Variants in KLF13 observed in about 807,000 individuals in gnomAD.
KLF13 encodes the protein KLF transcription factor 13.
Under a neutral mutation model 16.7 loss-of-function variants are expected in KLF13, and 8 were observed. That is an observed-to-expected ratio of 0.48 (90% CI 0.28 to 0.87). The LOEUF is 0.87. Ranked by LOEUF, KLF13 falls within the 40% of genes least tolerant of loss-of-function variation. The pLI, the probability that KLF13 is intolerant of heterozygous loss-of-function variation, is 0.10. For missense variants in KLF13, 447 were observed against 452.2 expected, an observed-to-expected ratio of 0.99 and a Z score of 0.10; for synonymous variants, 245 against 208.4, an observed-to-expected ratio of 1.18 and a Z score of -1.51.
At chr15:31,356,081 A>G (rs1367337792) in intron 1 of KLF13, among the ~76,000 whole-genome samples, 4 of 152,088 alleles carry the variant, frequency 2.6e-5, no homozygotes, top group African/African-American at 9.7e-5. Context: ...GGTTTGTTAC[A>G]TGGGTAAATT....
At chr15:31,360,991 C>T (rs1336601842) in intron 1 of KLF13, among the ~76,000 whole-genome samples, 1 of 152,202 alleles carries the variant, frequency 6.6e-6, no homozygotes, top group Non-Finnish European at 1.5e-5. Flanking sequence ...AGTGCGCTGC[C>T]TGGTAGCGCT....
At chr15:31,336,823 G>A (rs1198753303) in intron 1 of KLF13, among the ~76,000 whole-genome samples, 1 of 152,138 alleles carries the variant, frequency 6.6e-6, no homozygotes, top group African/African-American at 2.4e-5. Context: ...GCCACTGGCT[G>A]GGGTGCTGCT....
chr15:31,386,810 C>T (rs928502457), intron 1 of KLF13, among the ~76,000 whole-genome samples: 10 of 152,216 alleles, frequency 6.6e-5, no homozygotes, highest in African/African-American at 2.2e-4. Flanking sequence ...ATTTACCATT[C>T]GGAAAATCCT....
chr15:31,411,776 A>G (rs898005355), intron 1 of KLF13, among the ~76,000 whole-genome samples: 1 of 152,156 alleles, frequency 6.6e-6, no homozygotes, highest in Non-Finnish European at 1.5e-5. Context: ...AGTATTCACA[A>G]TCTATTTATG....
chr15:31,341,162 G>A (rs565100916), intron 1 of KLF13, among the ~76,000 whole-genome samples: 27 of 152,312 alleles, frequency 1.8e-4, no homozygotes, highest in African/African-American at 6.5e-4. Flanking sequence ...TTGTCTGTTG[G>A]TTCTTTGTTA....
chr15:31,377,836 T>G lies in KLF13; in HGVS notation c.*5537T>G, dbSNP rs980667306. On this transcript the variant is annotated 3_prime_UTR_variant, in exon 2 of 2. Coordinates refer to ENST00000307145, the MANE Select transcript of KLF13 (RefSeq NM_015995.4). ...TAACGAAATTGTAAATTTTATTGTT[T>G]TAACGTGTATGCATGTTTAGTGACG... The G allele has an allele frequency of 1.3e-5, 2 of 152,670 alleles. No individual in the cohort carries two copies. Among genetic ancestry groups the G allele is most frequent in the Non-Finnish European group, 2.9e-5 (2 of 68,048 alleles). 9.5% of individuals were successfully genotyped at this position (152,670 alleles called of 1,614,324 possible). A position where few individuals can be genotyped will look rare whatever the true frequency, so the allele number is the denominator to read the frequency against.
At chr15:31,416,312 A>G (rs1413574879) in intron 1 of KLF13, among the ~76,000 whole-genome samples, 5 of 152,166 alleles carry the variant, frequency 3.3e-5, no homozygotes, top group Non-Finnish European at 7.4e-5. Context: ...AGCCATTATT[A>G]TCCTTATACA....
chr15:31,329,280 A>T (rs567400258), intron 1 of KLF13, among the ~76,000 whole-genome samples: 654 of 59,006 alleles, frequency 0.011, 10 homozygotes, highest in African/African-American at 0.043. Context: ...GCCCTGGGGG[A>T]GGGGCCAGGC....
rs1303212154 is a variant in KLF13 at position 31,375,645 on chromosome 15, C to T, written c.*3346C>T. 1 of 152,136 alleles carries T rather than the reference C, an allele frequency of 6.6e-6. No individual in the cohort carries two copies. Among genetic ancestry groups the T allele is most frequent in the Non-Finnish European group, 1.5e-5 (1 of 68,010 alleles). 9.4% of individuals were successfully genotyped at this position (152,136 alleles called of 1,614,324 possible). ...GTTGCTCCTGTCCCAGACAAGGAAG[C>T]CCCTCTTTACATCAGCCATATTAGG... On this transcript the variant is annotated 3_prime_UTR_variant, in exon 2 of 2. Transcript: ENST00000307145.
At chr15:31,345,784 C>T (rs540721439) in intron 1 of KLF13, among the ~76,000 whole-genome samples, 16 of 152,304 alleles carry the variant, frequency 1.1e-4, no homozygotes, top group Non-Finnish European at 1.2e-4. Flanking sequence ...TCTGCCCTGC[C>T]AGCCTGGTGT....
At chr15:31,343,334 C>T (rs2039060170) in intron 1 of KLF13, among the ~76,000 whole-genome samples, 1 of 152,254 alleles carries the variant, frequency 6.6e-6, no homozygotes, top group Non-Finnish European at 1.5e-5. Flanking sequence ...GACTTGCCCC[C>T]AGCCGTAAGG....
chr15:31,392,619 C>T (rs1243720475), upstream of KLF13, among the ~76,000 whole-genome samples: 1 of 152,254 alleles, frequency 6.6e-6, no homozygotes, highest in African/African-American at 2.4e-5. Flanking sequence ...CCCCTCAGGC[C>T]TGTCCTGGGG....
intron 1 of KLF13, among the ~76,000 whole-genome samples, chr15:31,385,624 G>A (rs1399296023): frequency 1.3e-5 from 2 of 152,132 alleles, no homozygotes; most frequent in African/African-American, 4.8e-5. Flanking sequence ...CTTGTAATTG[G>A]AGTGCCATGA....
At chr15:31,347,672 C>G (rs1040754503) in intron 1 of KLF13, among the ~76,000 whole-genome samples, 2 of 152,270 alleles carry the variant, frequency 1.3e-5, no homozygotes, top group Non-Finnish European at 1.5e-5. Flanking sequence ...CAAGAAATGG[C>G]TAAAGGAAAA....
intron 1 of KLF13, among the ~76,000 whole-genome samples, chr15:31,427,331 CAAA>C (rs1463444747): frequency 7.0e-6 from 1 of 142,818 alleles, no homozygotes; most frequent in African/African-American, 3.0e-5. Flanking sequence ...TGTAAAAAAA[CAAA>C]AAACAAAAAA....
chr15:31,390,631 G>T (rs760807655), upstream of KLF13, among the ~76,000 whole-genome samples: 1 of 152,094 alleles, frequency 6.6e-6, no homozygotes, highest in Admixed American at 6.5e-5. Context: ...TGCATTCCAC[G>T]GAGCACTCCA....
At chr15:31,425,400 C>G (rs1307833719) in intron 1 of KLF13, among the ~76,000 whole-genome samples, 1 of 152,106 alleles carries the variant, frequency 6.6e-6, no homozygotes, top group Non-Finnish European at 1.5e-5. Flanking sequence ...TGACAGTGAT[C>G]AGAATAGTAT....
At chr15:31,380,283 ACT>A (rs924312506), downstream of KLF13, among the ~76,000 whole-genome samples, 8 of 152,190 alleles carry the variant, frequency 5.3e-5, no homozygotes, top group African/African-American at 1.9e-4. Context: ...CAAGAGCGAA[ACT>A]CTGTCTCAAA....
At chr15:31,388,605 C>CAAAAAA (rs5811640), upstream of KLF13, among the ~76,000 whole-genome samples, 1 of 92,362 alleles carries the variant, frequency 1.1e-5, no homozygotes. Flanking sequence ...AACTCTGTCT[C>CAAAAAA]AAAAAAAAAA....
Sources: gnomAD v4.1 joint callset for allele counts (sites outside exome capture counted in the v4.1 genomes callset) on GRCh38, gnomAD v4.1.1 for gene constraint, MANE v1.5 for transcripts, NCBI Gene and HGNC (gene_info 2026-07-23, HGNC 2026-07-21) for gene names.